Variants in PTPRM observed in about 807,000 individuals in gnomAD.
PTPRM encodes receptor-type tyrosine-protein phosphatase mu.
In PTPRM, 47 loss-of-function variants were observed where a neutral mutation model predicts 186.7. The observed-to-expected ratio is 0.25, with a 90% CI of 0.20 to 0.32. PTPRM has a LOEUF of 0.32. Ranked by LOEUF, PTPRM falls within the 10% of genes least tolerant of loss-of-function variation. The pLI is 1.00. For synonymous variants in PTPRM, 668 were observed against 674.9 expected (o/e 0.99, Z 0.16); for missense variants, 1,494 against 1,865.0 (o/e 0.80, Z 3.66).
chr18:7,942,044 A>G (rs149766156), intron 5 of PTPRM, among the ~76,000 whole-genome samples: 3,501 of 152,250 alleles, frequency 0.023, 49 homozygotes, highest in African/African-American at 0.045. Context: ...CCAGCACTTT[A>G]GGAGGCCAAG....
chr18:8,336,607 A>G, intron 22 of PTPRM, among the ~76,000 whole-genome samples: 1 of 142,992 alleles, frequency 7.0e-6, no homozygotes, highest in Admixed American at 7.0e-5. Flanking sequence ...AGAAAAGAAG[A>G]GAGGAGGAGG....
At chr18:8,064,620 G>A (rs1286509256) in intron 7 of PTPRM, among the ~76,000 whole-genome samples, 6 of 152,086 alleles carry the variant, frequency 3.9e-5, no homozygotes, top group East Asian at 1.9e-4. Context: ...GTTTGAATTC[G>A]TTCCATTACA....
intron 2 of PTPRM, among the ~76,000 whole-genome samples, chr18:7,778,277 A>T (rs565332701): frequency 1.3e-5 from 2 of 152,206 alleles, no homozygotes; most frequent in African/African-American, 4.8e-5. Flanking sequence ...AATGCCGTTT[A>T]AATTTTTGTA....
intron 14 of PTPRM, 144 bp from the exon 15 acceptor site, chr18:8,243,914 C>T: frequency 1.3e-6 from 1 of 754,838 alleles, no homozygotes; most frequent in Non-Finnish European, 2.0e-6. Flanking sequence ...AGAGTGCTTG[C>T]CACAAATAAG....
At chr18:7,694,025 C>T (rs538825718) in intron 1 of PTPRM, among the ~76,000 whole-genome samples, 2 of 152,196 alleles carry the variant, frequency 1.3e-5, no homozygotes, top group Non-Finnish European at 2.9e-5. Context: ...TGGGGTGTCA[C>T]AGAAATCCTT....
chr18:7,935,470 C>A (rs1013845882), intron 5 of PTPRM, among the ~76,000 whole-genome samples: 1 of 151,984 alleles, frequency 6.6e-6, no homozygotes, highest in African/African-American at 2.4e-5. Flanking sequence ...TATAACATGT[C>A]TAGGGATACT....
At chr18:8,298,997 T>G (rs4798622) in intron 20 of PTPRM, among the ~76,000 whole-genome samples, 5,794 of 152,312 alleles carry the variant, frequency 0.038, 158 homozygotes, top group East Asian at 0.069. Context: ...GTGCCTGCAG[T>G]CCCAGCTACT....
intron 24 of PTPRM, 28 bp downstream of exon 24, chr18:8,371,034 T>G (rs369470728): frequency 7.1e-7 from 1 of 1,404,088 alleles, no homozygotes; most frequent in Admixed American, 1.7e-5. Flanking sequence ...TTTTAAAAGC[T>G]ATGGTCAGAC....
chr18:8,314,158 T>C (rs766637124), intron 20 of PTPRM, among the ~76,000 whole-genome samples: 20 of 152,192 alleles, frequency 1.3e-4, no homozygotes, highest in Non-Finnish European at 1.9e-4. Context: ...TGTGTTTTCA[T>C]TGAATCCTGG....
chr18:7,798,355 C>G (rs141300514), intron 2 of PTPRM, among the ~76,000 whole-genome samples: 1,868 of 151,958 alleles, frequency 0.012, 41 homozygotes, highest in African/African-American at 0.043. Flanking sequence ...ATGGTGAAAC[C>G]CTGTCTCTAC....
intron 13 of PTPRM, among the ~76,000 whole-genome samples, chr18:8,123,435 C>G (rs1434849767): frequency 6.6e-6 from 1 of 152,130 alleles, no homozygotes; most frequent in Non-Finnish European, 1.5e-5. Context: ...GTAAAGAAAA[C>G]TAAGCCTCAG....
At chr18:8,332,133 T>G (rs1302786502) in intron 22 of PTPRM, among the ~76,000 whole-genome samples, 1 of 152,228 alleles carries the variant, frequency 6.6e-6, no homozygotes, top group Non-Finnish European at 1.5e-5. Context: ...AAATTTATCT[T>G]TATTATAAAG....
At chr18:8,175,654 G>A (rs1031500531) in intron 14 of PTPRM, among the ~76,000 whole-genome samples, 7 of 152,144 alleles carry the variant, frequency 4.6e-5, no homozygotes, top group African/African-American at 1.7e-4. Flanking sequence ...AATGTTTAAA[G>A]CTAATGAACT....
chr18:7,767,025 T>C (rs1212559496), intron 1 of PTPRM, among the ~76,000 whole-genome samples: 1 of 152,212 alleles, frequency 6.6e-6, no homozygotes, highest in East Asian at 1.9e-4. Context: ...ATGACTATAT[T>C]TTGCCTTAGG....
chr18:8,290,141 A>G (rs1301681767), intron 19 of PTPRM, among the ~76,000 whole-genome samples: 2 of 152,232 alleles, frequency 1.3e-5, no homozygotes, highest in Admixed American at 6.5e-5. Context: ...TCGAAGCACC[A>G]GAAGAGAAGT....
At chr18:8,209,289 C>T (rs1373845992) in intron 14 of PTPRM, among the ~76,000 whole-genome samples, 1 of 152,030 alleles carries the variant, frequency 6.6e-6, no homozygotes, top group East Asian at 1.9e-4. Context: ...AGGCCAGAGG[C>T]AGTGATGGCT....
At chr18:7,956,963 C>T (rs2053353665) in intron 7 of PTPRM, among the ~76,000 whole-genome samples, 1 of 152,160 alleles carries the variant, frequency 6.6e-6, no homozygotes, top group African/African-American at 2.4e-5. Flanking sequence ...GTGTGAGCTC[C>T]TTTCTACTTC....
chr18:7,585,357 G>A (rs1343718560), intron 1 of PTPRM, among the ~76,000 whole-genome samples: 4 of 152,170 alleles, frequency 2.6e-5, no homozygotes, highest in Non-Finnish European at 5.9e-5. Context: ...GAGAACATCT[G>A]GGAAATTGCA....
chr18:8,085,634 G>A, intron 9 of PTPRM, 37 bp from the exon 10 acceptor site: 2 of 1,527,792 alleles, frequency 1.3e-6, no homozygotes, highest in South Asian at 1.1e-5. Context: ...GAGTCCATCT[G>A]CTCCAGATAT....
Sources: gnomAD v4.1 joint callset for allele counts (sites outside exome capture counted in the v4.1 genomes callset) on GRCh38, gnomAD v4.1.1 for gene constraint, MANE v1.5 for transcripts, NCBI Gene and HGNC (gene_info 2026-07-23, HGNC 2026-07-21) for gene names.